Variants in RBFOX1 observed in about 807,000 individuals in gnomAD.
RBFOX1 encodes RNA binding protein fox-1 homolog 1.
A neutral mutation model predicts 57.7 loss-of-function variants in RBFOX1; 8 were observed. The observed-to-expected ratio is 0.14, with a 90% confidence interval of 0.08 to 0.25. The LOEUF (loss-of-function observed/expected upper bound fraction) is 0.25. Among genes scored for constraint, RBFOX1 ranks in the 10% least tolerant of loss-of-function variants. The pLI, the probability that RBFOX1 is intolerant of heterozygous loss-of-function variation, is 1.00. For missense variants in RBFOX1, 611 were observed against 548.5 expected (o/e 1.11, Z -1.14); for synonymous variants, 326 against 222.4 (o/e 1.47, Z -4.15).
At chr16:5,759,633 G>A (rs1038063007) in intron 3 of RBFOX1, among the ~76,000 whole-genome samples, 1 of 152,118 alleles carries the variant, frequency 6.6e-6, no homozygotes, top group African/African-American at 2.4e-5. Context: ...CTCCATTTGG[G>A]TAGAAGCAAA....
chr16:5,645,081 C>CAA (rs55903936), intron 3 of RBFOX1, among the ~76,000 whole-genome samples: 6 of 144,644 alleles, frequency 4.1e-5, no homozygotes, highest in African/African-American at 1.6e-4. Context: ...ACTAAAAATA[C>CAA]AAAAAAAAAA....
intron 2 of RBFOX1, among the ~76,000 whole-genome samples, chr16:5,471,576 G>T (rs987488851): frequency 2.6e-5 from 4 of 152,226 alleles, no homozygotes; most frequent in South Asian, 2.1e-4. Flanking sequence ...CCCACCCCCG[G>T]AGAACCCTCT....
intron 3 of RBFOX1, among the ~76,000 whole-genome samples, chr16:6,903,246 A>G (rs549540701): frequency 2.0e-5 from 3 of 152,288 alleles, no homozygotes; most frequent in South Asian, 2.1e-4. Context: ...TTTAGAGGCC[A>G]TTGTAGCTGC....
chr16:7,551,898 A>G (rs528345033), intron 5 of RBFOX1, among the ~76,000 whole-genome samples: 1 of 152,316 alleles, frequency 6.6e-6, no homozygotes, highest in African/African-American at 2.4e-5. Flanking sequence ...TCTGTATGAC[A>G]TTAGGATAAA....
chr16:7,384,522 C>T (rs997919065), intron 4 of RBFOX1, among the ~76,000 whole-genome samples: 4 of 152,132 alleles, frequency 2.6e-5, no homozygotes, highest in Admixed American at 6.5e-5. Context: ...TTCTGTTACT[C>T]TGGCTACAGA....
chr16:5,848,358 G>A (rs1294429814), intron 3 of RBFOX1, among the ~76,000 whole-genome samples: 2 of 152,040 alleles, frequency 1.3e-5, no homozygotes, highest in Non-Finnish European at 2.9e-5. Context: ...CTGGATCTCT[G>A]GTCTCTTGAA....
chr16:6,894,511 C>A (rs2066283651), intron 3 of RBFOX1, among the ~76,000 whole-genome samples: 1 of 152,174 alleles, frequency 6.6e-6, no homozygotes, highest in African/African-American at 2.4e-5. Flanking sequence ...CTGTTCACAC[C>A]TGCTCTCCAT....
At chr16:7,206,137 C>CT (rs1461754228) in intron 4 of RBFOX1, among the ~76,000 whole-genome samples, 1 of 152,162 alleles carries the variant, frequency 6.6e-6, no homozygotes, top group African/African-American at 2.4e-5. Flanking sequence ...GAAACATAAT[C>CT]TTGTACACAC....
intron 4 of RBFOX1, among the ~76,000 whole-genome samples, chr16:5,975,638 G>C (rs9930914): frequency 2.0e-5 from 3 of 151,824 alleles, no homozygotes; most frequent in Non-Finnish European, 2.9e-5. Context: ...ATCAGTTCTG[G>C]AGTAAAGGAT....
At chr16:6,333,120 G>A (rs1599729916) in intron 2 of RBFOX1, among the ~76,000 whole-genome samples, 1 of 152,114 alleles carries the variant, frequency 6.6e-6, no homozygotes, top group East Asian at 1.9e-4. Flanking sequence ...CCTCAATGCA[G>A]CCTCTGTCTC....
chr16:7,260,575 A>C (rs2094879372), intron 4 of RBFOX1, among the ~76,000 whole-genome samples: 1 of 152,068 alleles, frequency 6.6e-6, no homozygotes, highest in Admixed American at 6.6e-5. Flanking sequence ...TCGCATCTCC[A>C]TTATGTGTCA....
At chr16:6,797,355 A>G (rs1235239229) in intron 3 of RBFOX1, among the ~76,000 whole-genome samples, 2 of 152,150 alleles carry the variant, frequency 1.3e-5, no homozygotes, top group Non-Finnish European at 2.9e-5. Context: ...ATCATTATGA[A>G]GCAGAGAGTG....
intron 2 of RBFOX1, among the ~76,000 whole-genome samples, chr16:6,337,952 A>G (rs1463152935): frequency 6.6e-6 from 1 of 152,142 alleles, no homozygotes; most frequent in Admixed American, 6.5e-5. Context: ...CACTAAGTGG[A>G]TGGCATTTTC....
rs79548823 is a variant in RBFOX1, at chr16:7,001,851, C to T, written c.-15-50206C>T. Among the ~76,000 whole-genome samples, 913 of 152,240 alleles carry T rather than the reference C, an allele frequency of 6.0e-3. 15 individuals are homozygous for T. Among genetic ancestry groups the T allele is most frequent in the African/African-American group, 0.021 (873 of 41,536 alleles). ...TTATTATTATTACTTTAACTCTGTT[C>T]AGCACTTGTCTCAACTTTTCTTATT... is the stretch of plus-strand genomic sequence containing the variant. On this transcript the variant is annotated intron_variant, in intron 3 of 15. Transcript: ENST00000550418.
intron 1 of RBFOX1, among the ~76,000 whole-genome samples, chr16:5,383,571 G>C (rs576015966): frequency 6.6e-6 from 1 of 152,348 alleles, no homozygotes; most frequent in South Asian, 2.1e-4. Flanking sequence ...CAGTTTCTCT[G>C]TTTGTGAAAT....
intron 4 of RBFOX1, among the ~76,000 whole-genome samples, chr16:7,348,508 C>G (rs1227523573): frequency 6.6e-6 from 1 of 152,112 alleles, no homozygotes; most frequent in Admixed American, 6.6e-5. Flanking sequence ...GCTCTTATCC[C>G]TCTCCTTCAG....
intron 3 of RBFOX1, among the ~76,000 whole-genome samples, chr16:6,861,076 C>G (rs1054900608): frequency 2.0e-5 from 3 of 152,066 alleles, no homozygotes; most frequent in African/African-American, 2.4e-5. Context: ...GACAAGGATT[C>G]CATTATATTT....
At chr16:7,221,602 G>T (rs975203188) in intron 4 of RBFOX1, among the ~76,000 whole-genome samples, 2 of 152,102 alleles carry the variant, frequency 1.3e-5, no homozygotes, top group African/African-American at 2.4e-5. Flanking sequence ...CCTGACCTCA[G>T]GTGATCCACC....
chr16:7,112,376 G>GTT (rs1329253278), intron 4 of RBFOX1, among the ~76,000 whole-genome samples: 1 of 72,670 alleles, frequency 1.4e-5, no homozygotes, highest in Non-Finnish European at 2.5e-5. Flanking sequence ...CTAATTTTTT[G>GTT]TATTTTTTTT....
Sources: gnomAD v4.1 joint callset for allele counts (sites outside exome capture counted in the v4.1 genomes callset) on GRCh38, gnomAD v4.1.1 for gene constraint, MANE v1.5 for transcripts, NCBI Gene and HGNC (gene_info 2026-07-23, HGNC 2026-07-21) for gene names.